PIP5K1B: variants seen among roughly 807,000 people sequenced by gnomAD.
PIP5K1B encodes phosphatidylinositol-4-phosphate 5-kinase type 1 beta.
Under a neutral mutation model 67.0 loss-of-function variants are expected in PIP5K1B, and 42 were observed. The ratio of observed to expected loss-of-function variants is 0.63; its 90% confidence interval spans 0.49 to 0.81. PIP5K1B has a LOEUF of 0.81. Ranked by LOEUF, PIP5K1B falls within the 30% of genes least tolerant of loss-of-function variation. PIP5K1B has a pLI of 0.00. For synonymous variants in PIP5K1B, 214 were observed against 231.4 expected, an observed-to-expected ratio of 0.92 and a Z score of 0.68; for missense variants, 459 against 646.3, an observed-to-expected ratio of 0.71 and a Z score of 3.14.
At chr9:68,920,896 A>G (rs1400609119) in intron 11 of PIP5K1B, among the ~76,000 whole-genome samples, 2 of 152,130 alleles carry the variant, frequency 1.3e-5, no homozygotes, top group Non-Finnish European at 2.9e-5. Context: ...GCCTAAGTTA[A>G]TAACTTGAAG....
intron 14 of PIP5K1B, among the ~76,000 whole-genome samples, chr9:68,977,422 C>T (rs1421632518): frequency 6.6e-6 from 1 of 152,130 alleles, no homozygotes; most frequent in African/African-American, 2.4e-5. Context: ...ACCTGGGAGG[C>T]TGAGGCACAA....
intron 1 of PIP5K1B, among the ~76,000 whole-genome samples, chr9:68,713,314 G>A (rs907572358): frequency 6.6e-6 from 1 of 152,148 alleles, no homozygotes; most frequent in Non-Finnish European, 1.5e-5. Flanking sequence ...CAGGAGAATC[G>A]CTTGAACCCG....
At chr9:68,820,612 G>T (rs75323685) in intron 3 of PIP5K1B, among the ~76,000 whole-genome samples, 336 of 152,254 alleles carry the variant, frequency 2.2e-3, no homozygotes, top group African/African-American at 7.8e-3. Flanking sequence ...AGCATATGCC[G>T]TGTTTATTAA....
chr9:69,006,982 G>A (rs1223512804), intron 15 of PIP5K1B, among the ~76,000 whole-genome samples: 1 of 152,064 alleles, frequency 6.6e-6, no homozygotes, highest in Non-Finnish European at 1.5e-5. Flanking sequence ...AGCTATCCTG[G>A]GAATGTGGGC....
chr9:68,838,132 G>A (rs887652602), intron 4 of PIP5K1B, among the ~76,000 whole-genome samples: 6 of 149,282 alleles, frequency 4.0e-5, no homozygotes, highest in Admixed American at 1.3e-4. Flanking sequence ...CTGGGGATAC[G>A]TTAGATCTTG....
intron 1 of PIP5K1B, among the ~76,000 whole-genome samples, chr9:68,720,753 A>G (rs560591587): frequency 6.6e-6 from 1 of 151,768 alleles, no homozygotes; most frequent in East Asian, 1.9e-4. Flanking sequence ...TAACTTCCAT[A>G]CCTCCCTATC....
intron 12 of PIP5K1B, among the ~76,000 whole-genome samples, chr9:68,931,333 T>C (rs1221868431): frequency 1.3e-5 from 2 of 152,218 alleles, no homozygotes; most frequent in African/African-American, 2.4e-5. Flanking sequence ...AATAATGCAT[T>C]CATGAACAAA....
At chr9:68,975,378 T>G (rs527642427) in intron 14 of PIP5K1B, among the ~76,000 whole-genome samples, 84 of 152,378 alleles carry the variant, frequency 5.5e-4, no homozygotes, top group African/African-American at 1.3e-3. Context: ...CACGTCTTAC[T>G]TTTTAAAGAC....
intron 2 of PIP5K1B, among the ~76,000 whole-genome samples, chr9:68,774,428 A>G (rs1830813009): frequency 1.3e-5 from 2 of 152,182 alleles, no homozygotes; most frequent in South Asian, 4.1e-4. Context: ...TAGTGTTTGA[A>G]TAAGATATCT....
At chr9:68,866,671 G>C (rs1823371974) in intron 5 of PIP5K1B, among the ~76,000 whole-genome samples, 1 of 152,224 alleles carries the variant, frequency 6.6e-6, no homozygotes, top group African/African-American at 2.4e-5. Flanking sequence ...AAATAATCAG[G>C]TACTAGACCA....
At chr9:68,822,199 T>G (rs936648285) in intron 3 of PIP5K1B, among the ~76,000 whole-genome samples, 1 of 152,130 alleles carries the variant, frequency 6.6e-6, no homozygotes, top group African/African-American at 2.4e-5. Context: ...CACATGCCTA[T>G]AATCTCAGTT....
chr9:68,959,056 A>G lies in PIP5K1B; in HGVS notation c.1502+18266A>G, dbSNP rs139888159. On this transcript the variant is annotated intron_variant, in intron 14 of 15. Coordinates refer to ENST00000265382, the MANE Select transcript of PIP5K1B (RefSeq NM_003558.4). ...CATTTCCTTGATAACTTGAAAAATC[A>G]TAGATTTGAATGACAGAAATAATTG... is the stretch of plus-strand genomic sequence containing the variant. Among the ~76,000 whole-genome samples the G allele has an allele frequency of 8.7e-3, 1,326 of 152,334 alleles. 8 individuals are homozygous for G. Among genetic ancestry groups the G allele is most frequent in the Non-Finnish European group, 0.014 (980 of 68,018 alleles).
At chr9:68,724,237 G>GTTT (rs61401691) in intron 1 of PIP5K1B, among the ~76,000 whole-genome samples, 1 of 145,588 alleles carries the variant, frequency 6.9e-6, no homozygotes, top group African/African-American at 2.5e-5. Flanking sequence ...TTTTTTTTGG[G>GTTT]TTTTTTTTTT....
At chr9:68,929,431 C>G (rs772734972) in intron 12 of PIP5K1B, among the ~76,000 whole-genome samples, 14 of 152,090 alleles carry the variant, frequency 9.2e-5, no homozygotes, top group South Asian at 4.1e-4. Flanking sequence ...ATCATAGAAA[C>G]AAACCTCCTC....
In PIP5K1B at chr9:68,889,116, C is replaced by T; in HGVS notation, c.454C>T (p.Leu152=). ...AGAAGCTGAGTTTCTTCAGAAGCTA[C>T]TGCCAGGCTATTACATGGTAAGGAA... The part of the protein sequence containing the change: ...HKEAEFLQKL[L]PGYYMNLNQN... Residue 152 remains leucine (L), a synonymous_variant, in exon 7 of 16, where the codon CTG becomes TTG. Coordinates refer to ENST00000265382, the MANE Select transcript of PIP5K1B (RefSeq NM_003558.4). The T allele has an allele frequency of 3.1e-6, 5 of 1,613,164 alleles. No homozygotes were observed. The highest frequency in any genetic ancestry group is 4.2e-6 in the Non-Finnish European group (5 of 1,179,222).
At chr9:68,726,983 GT>G (rs57240097) in intron 1 of PIP5K1B, among the ~76,000 whole-genome samples, 5,445 of 143,138 alleles carry the variant, frequency 0.038, 100 homozygotes, top group Non-Finnish European at 0.047. Flanking sequence ...TAAAGTTGTT[GT>G]TTTTTTTTTT....
chr9:68,930,315 C>G (rs956737341), intron 12 of PIP5K1B, among the ~76,000 whole-genome samples: 1 of 152,180 alleles, frequency 6.6e-6, no homozygotes, highest in African/African-American at 2.4e-5. Flanking sequence ...CCACTAGATT[C>G]CACAAGCTCA....
intron 1 of PIP5K1B, among the ~76,000 whole-genome samples, chr9:68,741,026 C>G (rs891684567): frequency 6.6e-6 from 1 of 152,174 alleles, no homozygotes; most frequent in Non-Finnish European, 1.5e-5. Context: ...TGCCATTTTA[C>G]CCACTTTTAT....
intron 2 of PIP5K1B, among the ~76,000 whole-genome samples, chr9:68,756,679 A>G (rs990746003): frequency 6.6e-6 from 1 of 152,118 alleles, no homozygotes. Context: ...CAAATATCTT[A>G]TATTTTTGCC....
Sources: allele counts gnomAD v4.1 joint callset (sites outside exome capture counted in the v4.1 genomes callset), GRCh38; gene constraint gnomAD v4.1.1; transcripts MANE v1.5; gene names NCBI Gene and HGNC (gene_info 2026-07-23, HGNC 2026-07-21).